Variants in BCAS3 observed in about 807,000 individuals in gnomAD.
BCAS3 encodes the protein BCAS3 microtubule associated cell migration factor.
In BCAS3, 53 loss-of-function variants were observed where a neutral mutation model predicts 116.1. The observed-to-expected ratio is 0.46, with a 90% CI of 0.37 to 0.57. BCAS3 has a LOEUF of 0.57. Among genes scored for constraint, BCAS3 ranks in the 20% least tolerant of loss-of-function variants. The probability of loss-of-function intolerance (pLI) is 0.00; values close to 1 mark genes in which losing one functional copy is unlikely to be tolerated. For missense variants in BCAS3, 917 were observed against 1,165.4 expected (o/e 0.79, Z 3.10); for synonymous variants, 391 against 408.2 (o/e 0.96, Z 0.51).
rs886916100 is a variant in BCAS3 at position 60,960,628 on chromosome 17, C to T, written c.1221+13276C>T. ...CTCTGCCCATTCCTGCCTTTGTACACACAGCTTAGGCCTTTAAGTGCACAT... is the reference window on the plus strand; with the variant it reads ...CTCTGCCCATTCCTGCCTTTGTACATACAGCTTAGGCCTTTAAGTGCACAT... On this transcript the variant is annotated intron_variant, in intron 14 of 23. Transcript: ENST00000407086. The surrounding 1 kb of genome is among the most constrained non-coding windows in gnomAD (Gnocchi z 4.1). Among the ~76,000 whole-genome samples the T allele has an allele frequency of 1.3e-5, 2 of 152,092 alleles. No homozygotes were observed. Among genetic ancestry groups the T allele is most frequent in the African/African-American group, 4.8e-5 (2 of 41,414 alleles).
intron 22 of BCAS3, among the ~76,000 whole-genome samples, chr17:61,182,491 T>G (rs1485063246): frequency 6.6e-6 from 1 of 152,232 alleles, no homozygotes; most frequent in Non-Finnish European, 1.5e-5. Context: ...CTTTGCTGGT[T>G]ATTTTTATTT....
At chr17:61,277,876 C>T (rs1043573939) in intron 22 of BCAS3, among the ~76,000 whole-genome samples, 1 of 152,106 alleles carries the variant, frequency 6.6e-6, no homozygotes, top group Admixed American at 6.5e-5. Context: ...GAAGTTGTAA[C>T]CCTCATACAC....
Position 61,227,604 on chromosome 17 carries a change from G to A in BCAS3, c.2426-140723G>A, listed in dbSNP as rs150966342. 4.7e-3 allele frequency among the ~76,000 whole-genome samples: 709 copies of A among 152,340 alleles called. 3 individuals are homozygous for A. Among genetic ancestry groups the A allele is most frequent in the Middle Eastern group, 0.02 (6 of 294 alleles). Reference sequence around the variant, plus strand: ...GACCTTCTGTGCCCTAAGGCCACATGGCCGAGAGACAGGTGGGAAGCCAAG... The same window carrying A: ...GACCTTCTGTGCCCTAAGGCCACATAGCCGAGAGACAGGTGGGAAGCCAAG... On this transcript the variant is annotated intron_variant, in intron 22 of 23. Transcript: ENST00000407086. This position sits in a 1 kb window ranked among gnomAD's most constrained non-coding sequence, Gnocchi z 6.1.
At position 61,286,066 on chromosome 17, in the gene BCAS3, A is replaced by G. The variant is rs1436436085; in HGVS notation, c.2426-82261A>G. Among the ~76,000 whole-genome samples, 1 of 152,174 alleles carries G rather than the reference A, an allele frequency of 6.6e-6. No individual in the cohort carries two copies. Among genetic ancestry groups the G allele is most frequent in the South Asian group, 2.1e-4 (1 of 4,826 alleles). ...ACCAGAAACATTTCATAAAGGAAAC[A>G]ACTGGTGGGAAGTTTTTTCCAGAGA... is the stretch of plus-strand genomic sequence containing the variant. On this transcript the variant is annotated intron_variant, in intron 22 of 23. Transcript: ENST00000407086. This position sits in a 1 kb window ranked among gnomAD's most constrained non-coding sequence, Gnocchi z 4.8.
At chr17:61,283,331 C>G (rs993993630) in intron 22 of BCAS3, among the ~76,000 whole-genome samples, 2 of 152,128 alleles carry the variant, frequency 1.3e-5, no homozygotes, top group South Asian at 2.1e-4. Flanking sequence ...CTTTATGTTA[C>G]GTTTAGCTCA....
At chr17:61,311,242 A>G (rs1051794545) in intron 22 of BCAS3, among the ~76,000 whole-genome samples, 1 of 152,252 alleles carries the variant, frequency 6.6e-6, no homozygotes, top group Non-Finnish European at 1.5e-5. Context: ...TTGAGATCAT[A>G]CTATACAGAG....
At chr17:61,120,392 C>T (rs547190749) in intron 22 of BCAS3, among the ~76,000 whole-genome samples, 1 of 152,166 alleles carries the variant, frequency 6.6e-6, no homozygotes, top group Non-Finnish European at 1.5e-5. Flanking sequence ...CAGCTACAAA[C>T]CCATATCTTT....
chr17:60,811,063 A>G, intron 7 of BCAS3: 2 of 638,250 alleles, frequency 3.1e-6, no homozygotes, highest in Non-Finnish European at 2.9e-6. Flanking sequence ...CATGGAGCTG[A>G]GACGTACAGT....
rs542182403 is a variant in BCAS3, at chr17:61,035,323, C to T, written c.1762+533C>T. ...AATTAAGGCCAGTCGCAGTGGCTCA[C>T]GCCTGTAATCCCAGCACTTTAGGAG... On this transcript the variant is annotated intron_variant, in intron 17 of 23. Coordinates refer to ENST00000407086, the MANE Select transcript of BCAS3 (RefSeq NM_017679.5). Among the ~76,000 whole-genome samples the T allele has an allele frequency of 2.1e-3, 327 of 152,218 alleles. 2 individuals carry two copies. Among genetic ancestry groups the T allele is most frequent in the African/African-American group, 7.1e-3 (296 of 41,530 alleles).
intron 22 of BCAS3, among the ~76,000 whole-genome samples, chr17:61,183,640 T>C (rs1312681422): frequency 6.6e-6 from 1 of 152,208 alleles, no homozygotes; most frequent in Non-Finnish European, 1.5e-5. Flanking sequence ...TTAATGTTAG[T>C]GAATCTACAA....
chr17:61,240,721 C>T (rs1356294314), intron 22 of BCAS3, among the ~76,000 whole-genome samples: 1 of 152,156 alleles, frequency 6.6e-6, no homozygotes, highest in African/African-American at 2.4e-5. Flanking sequence ...AGCACACATA[C>T]ACTAAAAAGT....
At position 61,262,367 on chromosome 17, in the gene BCAS3, T is replaced by C. The variant is rs569555640; in HGVS notation, c.2426-105960T>C. Among the ~76,000 whole-genome samples the C allele has an allele frequency of 1.1e-3, 162 of 141,816 alleles. 1 individual carries two copies. Among genetic ancestry groups the C allele is most frequent in the Non-Finnish European group, 2.0e-3 (132 of 66,240 alleles). The allele number at this position is 141,816 out of a possible 152,430, so 93.0% of individuals were successfully genotyped here. On this transcript the variant is annotated intron_variant, in intron 22 of 23. Coordinates refer to ENST00000407086, the MANE Select transcript of BCAS3 (RefSeq NM_017679.5). ...ACCCACATAAATGGACATAACATAT[T>C]CATAGATAGGGAGACTTTTTTTTTT... is the stretch of plus-strand genomic sequence containing the variant.
chr17:60,802,292 A>AT (rs1445756507), intron 6 of BCAS3, among the ~76,000 whole-genome samples: 9 of 138,506 alleles, frequency 6.5e-5, no homozygotes, highest in African/African-American at 2.5e-4. Context: ...TCAAAAAAAA[A>AT]AAAATATATA....
At chr17:61,094,588 G>A (rs185489386) in intron 22 of BCAS3, among the ~76,000 whole-genome samples, 58 of 152,222 alleles carry the variant, frequency 3.8e-4, no homozygotes, top group Admixed American at 3.3e-4. Flanking sequence ...TGGCACACGC[G>A]TATAATCCCA....
chr17:60,932,093 T>C (rs2059677193), intron 13 of BCAS3, among the ~76,000 whole-genome samples: 2 of 152,002 alleles, frequency 1.3e-5, no homozygotes, highest in Non-Finnish European at 2.9e-5. Flanking sequence ...AAAAATAAAA[T>C]AATATCTAAC....
chr17:61,121,409 C>T (rs1044868761), intron 22 of BCAS3, among the ~76,000 whole-genome samples: 2 of 152,000 alleles, frequency 1.3e-5, no homozygotes, highest in Non-Finnish European at 2.9e-5. Context: ...ATAAAATATA[C>T]CTGTTAACAT....
chr17:60,820,336 T>C (rs553886149), intron 7 of BCAS3, among the ~76,000 whole-genome samples: 12 of 152,268 alleles, frequency 7.9e-5, no homozygotes, highest in South Asian at 2.1e-4. Context: ...TGAGCCACCG[T>C]GCCCAGCCGA....
chr17:61,343,667 C>T lies in BCAS3; in HGVS notation c.2426-24660C>T, dbSNP rs547232752. Among the ~76,000 whole-genome samples, 12 of 152,344 alleles carry T rather than the reference C, an allele frequency of 7.9e-5. No individual in the cohort carries two copies. In the East Asian group the frequency reaches 2.3e-3, roughly 29 times the overall value. ...ACATCCCACTGCCGTTCCTCTGCCA[C>T]CTCTGAGTGTGATCAGATGTCTCTC... is the stretch of plus-strand genomic sequence containing the variant. On this transcript the variant is annotated intron_variant, in intron 22 of 23. Coordinates refer to ENST00000407086, the MANE Select transcript of BCAS3 (RefSeq NM_017679.5). The surrounding 1 kb of genome is among the most constrained non-coding windows in gnomAD (Gnocchi z 5.5).
At chr17:60,902,582 G>A in intron 10 of BCAS3, 38 bp from the exon 11 acceptor site, 1 of 1,496,102 alleles carries the variant, frequency 6.7e-7, no homozygotes, top group Non-Finnish European at 9.3e-7. Context: ...CAGATTAATA[G>A]AAATGACGTT....
Sources: allele counts gnomAD v4.1 joint callset (sites outside exome capture counted in the v4.1 genomes callset), GRCh38; gene constraint gnomAD v4.1.1; non-coding constraint Gnocchi (gnomAD v3.1); transcripts MANE v1.5; gene names NCBI Gene and HGNC (gene_info 2026-07-23, HGNC 2026-07-21).